The following CMTR1 variants were observed in gnomAD, a reference collection of about 807,000 sequenced individuals.
The protein encoded by CMTR1 is cap-specific mRNA (nucleoside-2'-O-)-methyltransferase 1.
Under a neutral mutation model 107.0 loss-of-function variants are expected in CMTR1, and 39 were observed. That is an observed-to-expected ratio of 0.36 (90% CI 0.28 to 0.48). The LOEUF (loss-of-function observed/expected upper bound fraction) is 0.48. CMTR1 is among the 20% of genes least tolerant of loss of function. The pLI is 0.99. For missense variants in CMTR1, 672 were observed against 1,064.9 expected, an observed-to-expected ratio of 0.63 and a Z score of 5.14; for synonymous variants, 366 against 379.5, an observed-to-expected ratio of 0.96 and a Z score of 0.41.
At chr6:37,466,006 A>C (rs1372079417) in intron 13 of CMTR1, among the ~76,000 whole-genome samples, 1 of 149,046 alleles carries the variant, frequency 6.7e-6, no homozygotes, top group Non-Finnish European at 1.5e-5. Context: ...CAATTTACCA[A>C]TTTTTTTCTT....
At chr6:37,443,535 A>G (rs1365673832) in intron 2 of CMTR1, among the ~76,000 whole-genome samples, 2 of 152,046 alleles carry the variant, frequency 1.3e-5, no homozygotes, top group Non-Finnish European at 2.9e-5. Context: ...TTGTATTTTT[A>G]TTAGAGATAG....
At chr6:37,465,386 G>A (rs1761487449) in intron 13 of CMTR1, among the ~76,000 whole-genome samples, 1 of 152,070 alleles carries the variant, frequency 6.6e-6, no homozygotes, top group Admixed American at 6.6e-5. Context: ...GGTATTATCA[G>A]TCTTTTATTT....
chr6:37,452,464 A>G (rs987499147), intron 6 of CMTR1, among the ~76,000 whole-genome samples: 6 of 152,206 alleles, frequency 3.9e-5, no homozygotes, highest in African/African-American at 1.4e-4. Flanking sequence ...TGAAAAAGGC[A>G]GGCCTCAGAG....
rs1157736348 is a variant in CMTR1, at chr6:37,477,902, T to TA, written c.2153+264dup. Among the ~76,000 whole-genome samples, 10 of 152,276 alleles carry TA rather than the reference T, an allele frequency of 6.6e-5. No homozygotes were observed. In the East Asian group the frequency reaches 1.7e-3, roughly 26 times the overall value. On this transcript the variant is annotated intron_variant, in intron 21 of 23. Coordinates refer to ENST00000373451, the MANE Select transcript of CMTR1 (RefSeq NM_015050.3). ...ACGGGCTCATTGATGCTGTCATAGTTACGATGGGCCCTGCGAGGGGCAGAG... is the reference window on the plus strand; with the variant it reads ...ACGGGCTCATTGATGCTGTCATAGTTAACGATGGGCCCTGCGAGGGGCAGAG...
intron 2 of CMTR1, among the ~76,000 whole-genome samples, chr6:37,443,178 G>T (rs1199983009): frequency 6.6e-6 from 1 of 151,970 alleles, no homozygotes; most frequent in Admixed American, 6.5e-5. Flanking sequence ...CTTGTATATC[G>T]TTCCTTCCAA....
Position 37,480,563 on chromosome 6 carries a change from C to A in CMTR1, c.*418C>A, listed in dbSNP as rs1292833721. 9.6e-7 allele frequency: 1 copy of A among 1,041,240 alleles called. No homozygotes were observed. The highest frequency in any genetic ancestry group is 1.7e-5 in the African/African-American group (1 of 57,876). The allele number at this position is 1,041,240 out of a possible 1,614,324, so 64.5% of individuals were successfully genotyped here. A position where few individuals can be genotyped will look rare whatever the true frequency, so the allele number is the denominator to read the frequency against. ...GTAGCCATGCCCTTGCTTTGCCCAA[C>A]TTTTTATTGGGCCATCCCTGAGTGG... On this transcript the variant is annotated 3_prime_UTR_variant, in exon 24 of 24. Coordinates refer to ENST00000373451, the MANE Select transcript of CMTR1 (RefSeq NM_015050.3).
intron 2 of CMTR1, chr6:37,436,221 G>A (rs1314818385): frequency 6.5e-6 from 1 of 153,404 alleles, no homozygotes; most frequent in East Asian, 1.9e-4. Context: ...CCAACTACTG[G>A]AGCATTGCTG....
intron 4 of CMTR1, among the ~76,000 whole-genome samples, chr6:37,448,005 T>TC (rs1771838999): frequency 6.6e-6 from 1 of 151,896 alleles, no homozygotes; most frequent in Non-Finnish European, 1.5e-5. Context: ...GGTCAGGAGA[T>TC]CAAGACCATC....
At chr6:37,461,817 T>G in intron 11 of CMTR1, 153 bp from the exon 12 acceptor site, 1 of 935,998 alleles carries the variant, frequency 1.1e-6, no homozygotes, top group Non-Finnish European at 1.6e-6. Context: ...CAAAGTCCCC[T>G]CCAAAGATGG....
At chr6:37,461,044 A>T (rs900048418) in intron 10 of CMTR1, among the ~76,000 whole-genome samples, 1 of 152,200 alleles carries the variant, frequency 6.6e-6, no homozygotes, top group Admixed American at 6.5e-5. Context: ...ATTGTAAGTA[A>T]AACCTGAGTC....
chr6:37,433,851 G>A (rs1198056987), intron 1 of CMTR1, among the ~76,000 whole-genome samples: 1 of 152,188 alleles, frequency 6.6e-6, no homozygotes, highest in Non-Finnish European at 1.5e-5. Context: ...TCACCTCTGT[G>A]GCCGCAGTCT....
chr6:37,463,825 C>T (rs537184241), intron 13 of CMTR1, among the ~76,000 whole-genome samples: 7 of 152,170 alleles, frequency 4.6e-5, no homozygotes, highest in South Asian at 2.1e-4. Context: ...GCCATATAAG[C>T]GCCCTCATTT....
chr6:37,466,201 C>T (rs1388437465), intron 13 of CMTR1, among the ~76,000 whole-genome samples: 1 of 150,970 alleles, frequency 6.6e-6, no homozygotes, highest in Non-Finnish European at 1.5e-5. Context: ...CAACCTCTGC[C>T]TCCCGGGTTC....
intron 2 of CMTR1, among the ~76,000 whole-genome samples, chr6:37,440,134 T>A (rs1374860662): frequency 6.6e-6 from 1 of 152,244 alleles, no homozygotes; most frequent in African/African-American, 2.4e-5. Flanking sequence ...TTTTGGGCTC[T>A]CTGGTAGGTT....
chr6:37,429,947 T>TA (rs36026053), upstream of CMTR1, among the ~76,000 whole-genome samples: 33 of 148,470 alleles, frequency 2.2e-4, no homozygotes, highest in East Asian at 8.1e-4. Context: ...CAAAAAATAA[T>TA]AAAAAAAAAA....
upstream of CMTR1, among the ~76,000 whole-genome samples, chr6:37,429,775 T>C (rs1439808289): frequency 1.3e-5 from 2 of 152,100 alleles, no homozygotes; most frequent in African/African-American, 4.8e-5. Flanking sequence ...CAGTCTCTAC[T>C]AAAAATACAT....
At chr6:37,424,318 C>T in the CMTR1 span, among the ~76,000 whole-genome samples, 1 of 151,422 alleles carries the variant, frequency 6.6e-6, no homozygotes, top group African/African-American at 2.4e-5. Context: ...TCTCAGCTCA[C>T]TGCAAGCTGC....
intron 2 of CMTR1, among the ~76,000 whole-genome samples, chr6:37,439,284 C>G (rs948451261): frequency 2.6e-5 from 4 of 152,164 alleles, no homozygotes; most frequent in Admixed American, 1.3e-4. Context: ...TGTCAAATAA[C>G]TTTTTGAAGT....
At chr6:37,460,442 G>A (rs1761379867) in intron 10 of CMTR1, among the ~76,000 whole-genome samples, 1 of 152,130 alleles carries the variant, frequency 6.6e-6, no homozygotes, top group Admixed American at 6.5e-5. Flanking sequence ...GCGCTAATGA[G>A]GCAGCTGTTG....
Sources: allele counts gnomAD v4.1 joint callset (sites outside exome capture counted in the v4.1 genomes callset), GRCh38; gene constraint gnomAD v4.1.1; transcripts MANE v1.5; gene names NCBI Gene and HGNC (gene_info 2026-07-23, HGNC 2026-07-21).